Variants in ARID1B observed in about 807,000 individuals in gnomAD.
ARID1B encodes AT-rich interactive domain-containing protein 1B.
A neutral mutation model predicts 212.3 loss-of-function variants in ARID1B; 30 were observed. That is an observed-to-expected ratio of 0.14 (90% CI 0.11 to 0.19). ARID1B has a LOEUF of 0.19. ARID1B is among the 10% of genes least tolerant of loss of function. ARID1B has a pLI of 1.00. For missense variants in ARID1B, 2,891 were observed against 3,204.0 expected (o/e 0.90, Z 2.36); for synonymous variants, 1,402 against 1,301.7 (o/e 1.08, Z -1.66).
At chr6:157,093,619 T>C (rs75741169) in intron 5 of ARID1B, among the ~76,000 whole-genome samples, 1,564 of 152,380 alleles carry the variant, frequency 0.01, 15 homozygotes, top group African/African-American at 0.036. Context: ...GAATTGTTAA[T>C]GTTGATATTC....
intron 4 of ARID1B, among the ~76,000 whole-genome samples, chr6:157,074,894 G>T (rs1168795684): frequency 1.3e-5 from 2 of 152,094 alleles, no homozygotes; most frequent in Non-Finnish European, 2.9e-5. Flanking sequence ...GAGGTAGTAT[G>T]GTTGAGTGTA....
chr6:157,177,309 G>A (rs970368564), intron 11 of ARID1B, among the ~76,000 whole-genome samples: 3 of 152,172 alleles, frequency 2.0e-5, no homozygotes, highest in Non-Finnish European at 2.9e-5. Context: ...TTCAAAAAGG[G>A]GAGCAAAAGA....
chr6:157,090,945 T>TGCTGGGGTAGCCGCCTCCC (rs1554295639), intron 5 of ARID1B, among the ~76,000 whole-genome samples: 10 of 152,144 alleles, frequency 6.6e-5, no homozygotes, highest in African/African-American at 2.4e-4. Context: ...GTGTGCCTCC[T>TGCTGGGGTAGCCGCCTCCC]GCCTGGGGTA....
In ARID1B at chr6:157,203,674, A is replaced by G; in HGVS notation, c.5264-192A>G. ...CAACAAAGCGAGATCTGAAACCACA[A>G]AAGTTTCTCGTTACAGCTATGGCCT... On this transcript the variant is annotated intron_variant, in intron 18 of 19. Transcript: ENST00000636930. The surrounding 1 kb of genome is among the most constrained non-coding windows in gnomAD (Gnocchi z 4.4). 2.7e-6 allele frequency: 2 copies of G among 734,588 alleles called. No homozygotes were observed. The highest frequency in any genetic ancestry group is 4.5e-6 in the Non-Finnish European group (2 of 447,460). The allele number at this position is 734,588 out of a possible 1,614,324, so 45.5% of individuals were successfully genotyped here.
intron 6 of ARID1B, among the ~76,000 whole-genome samples, chr6:157,117,479 A>C (rs1338755861): frequency 1.3e-5 from 2 of 152,192 alleles, no homozygotes; most frequent in African/African-American, 4.8e-5. Flanking sequence ...GGCTGCGGGC[A>C]CATCTTTCTC....
intron 2 of ARID1B, among the ~76,000 whole-genome samples, chr6:156,891,924 T>G (rs2128188917): frequency 6.7e-6 from 1 of 148,388 alleles, no homozygotes; most frequent in Admixed American, 6.8e-5. Flanking sequence ...CGGGCTGGAG[T>G]ACAATGGCGC....
intron 2 of ARID1B, among the ~76,000 whole-genome samples, chr6:156,897,761 C>T (rs924396288): frequency 3.3e-5 from 5 of 152,112 alleles, no homozygotes; most frequent in East Asian, 3.9e-4. Flanking sequence ...CCAAGGACAC[C>T]GTGCTGCTGT....
At chr6:156,802,109 A>G (rs571495272) in intron 1 of ARID1B, among the ~76,000 whole-genome samples, 48 of 152,202 alleles carry the variant, frequency 3.2e-4, no homozygotes, top group Non-Finnish European at 6.2e-4. Context: ...CTCCTACCCA[A>G]TTTTTCACAG....
intron 7 of ARID1B, chr6:157,140,881 C>A (rs1438912239): frequency 2.6e-6 from 1 of 389,070 alleles, no homozygotes; most frequent in African/African-American, 2.1e-5. Context: ...TCCTGTGTTT[C>A]TCATCATCAC....
intron 4 of ARID1B, among the ~76,000 whole-genome samples, chr6:156,988,276 C>T (rs924792671): frequency 4.6e-5 from 7 of 152,222 alleles, no homozygotes; most frequent in African/African-American, 1.7e-4. Context: ...GGGCCAGTGA[C>T]TTAATTTACA....
chr6:156,776,648 A>T (rs1441143972), upstream of ARID1B: 1 of 152,246 alleles, frequency 6.6e-6, no homozygotes, highest in Non-Finnish European at 1.5e-5. Flanking sequence ...ATGTAAGAAA[A>T]ATGCTCCTTT....
At chr6:157,080,448 G>A (rs1784570128) in intron 4 of ARID1B, among the ~76,000 whole-genome samples, 1 of 152,118 alleles carries the variant, frequency 6.6e-6, no homozygotes, top group Non-Finnish European at 1.5e-5. Flanking sequence ...AATATTTTTA[G>A]GAAGGATCAT....
intron 4 of ARID1B, among the ~76,000 whole-genome samples, chr6:156,956,229 T>C (rs1793969446): frequency 6.6e-6 from 1 of 152,080 alleles, no homozygotes; most frequent in South Asian, 2.1e-4. Context: ...GAGTCCCAGG[T>C]ACTTTTGTGA....
chr6:157,110,155 GCTCTC>G (rs1255823193), intron 5 of ARID1B, among the ~76,000 whole-genome samples: 1 of 152,156 alleles, frequency 6.6e-6, no homozygotes, highest in African/African-American at 2.4e-5. Flanking sequence ...GTTTGGCCCA[GCTCTC>G]CTACGTTTTC....
chr6:156,910,619 G>A (rs1021868747), intron 3 of ARID1B, among the ~76,000 whole-genome samples: 6 of 151,966 alleles, frequency 3.9e-5, no homozygotes, highest in Non-Finnish European at 8.8e-5. Context: ...GGCAAGTCTG[G>A]GATTCATTTA....
chr6:156,985,836 A>C (rs932061257), intron 4 of ARID1B, among the ~76,000 whole-genome samples: 3 of 152,178 alleles, frequency 2.0e-5, no homozygotes, highest in Non-Finnish European at 4.4e-5. Context: ...AGTCACTCTC[A>C]GAGATGTGAC....
intron 3 of ARID1B, among the ~76,000 whole-genome samples, chr6:156,910,032 T>G (rs1180118493): frequency 6.6e-6 from 1 of 152,220 alleles, no homozygotes; most frequent in African/African-American, 2.4e-5. Flanking sequence ...CCTAGGCCAC[T>G]GAGTTTGGGG....
rs1367763317 is a variant in ARID1B, at chr6:156,897,255, C to CTTATTA, written c.1987-4119_1987-4118insATTATT. On this transcript the variant is annotated intron_variant, in intron 2 of 19. Coordinates refer to ENST00000636930, the MANE Select transcript of ARID1B (RefSeq NM_001374828.1). ...TCTTCTTCTTCTTCTTCTTCTTCTT[C>CTTATTA]TTCTTCTTCTTATTATTATTATTAT... 6.5e-3 allele frequency among the ~76,000 whole-genome samples: 588 copies of CTTATTA among 89,952 alleles called. 3 individuals carry two copies. The highest frequency in any genetic ancestry group is 0.017 in the African/African-American group (470 of 27,176). 59.0% of individuals were successfully genotyped at this position (89,952 alleles called of 152,430 possible). A position where few individuals can be genotyped will look rare whatever the true frequency, so the allele number is the denominator to read the frequency against.
At chr6:157,086,768 A>G (rs1302989197) in intron 5 of ARID1B, among the ~76,000 whole-genome samples, 4 of 152,226 alleles carry the variant, frequency 2.6e-5, no homozygotes, top group Admixed American at 1.3e-4. Context: ...TACATTATAT[A>G]GTATTTTACA....
Sources: allele counts gnomAD v4.1 joint callset (sites outside exome capture counted in the v4.1 genomes callset), GRCh38; gene constraint gnomAD v4.1.1; non-coding constraint Gnocchi (gnomAD v3.1); transcripts MANE v1.5; gene names NCBI Gene and HGNC (gene_info 2026-07-23, HGNC 2026-07-21).